THRB: variants seen among roughly 807,000 people sequenced by gnomAD.
THRB encodes nuclear receptor subfamily 1 group A member 2.
THRB carries 12 observed loss-of-function variants against 47.8 expected under a neutral mutation model. That is an observed-to-expected ratio of 0.25 (90% CI 0.16 to 0.41). The LOEUF (loss-of-function observed/expected upper bound fraction) is 0.41. Among genes scored for constraint, THRB ranks in the 10% least tolerant of loss-of-function variants. THRB has a pLI of 1.00. For synonymous variants in THRB, 218 were observed against 212.2 expected (o/e 1.03, Z -0.24); for missense variants, 348 against 589.2 (o/e 0.59, Z 4.24).
chr3:24,197,519 G>A (rs1051376932), intron 4 of THRB, among the ~76,000 whole-genome samples: 4 of 152,208 alleles, frequency 2.6e-5, no homozygotes, highest in African/African-American at 4.8e-5. Context: ...TGGTACATGC[G>A]CCCTTTTCCC....
intron 6 of THRB, among the ~76,000 whole-genome samples, chr3:24,148,444 T>C (rs959559325): frequency 5.9e-5 from 9 of 152,120 alleles, no homozygotes; most frequent in Admixed American, 5.9e-4. Flanking sequence ...GTATTTTTAG[T>C]AGAGATGCGT....
At chr3:24,381,113 C>CAAAAAA (rs35253085) in intron 1 of THRB, among the ~76,000 whole-genome samples, 4 of 87,688 alleles carry the variant, frequency 4.6e-5, no homozygotes, top group African/African-American at 1.6e-4. Context: ...GACTCTGCCT[C>CAAAAAA]AAAAAAAAAA....
intron 1 of THRB, among the ~76,000 whole-genome samples, chr3:24,431,413 A>G (rs2070410190): frequency 6.6e-6 from 1 of 152,120 alleles, no homozygotes; most frequent in Non-Finnish European, 1.5e-5. Context: ...GAACCTCATT[A>G]GAAATCAAAA....
intron 5 of THRB, among the ~76,000 whole-genome samples, chr3:24,162,212 C>T (rs1414064147): frequency 1.3e-5 from 2 of 150,600 alleles, no homozygotes; most frequent in African/African-American, 4.9e-5. Flanking sequence ...AAAAAAAAGT[C>T]AACTTTTTAC....
At chr3:24,186,451 T>A (rs2042583481) in intron 5 of THRB, among the ~76,000 whole-genome samples, 1 of 151,564 alleles carries the variant, frequency 6.6e-6, no homozygotes, top group Non-Finnish European at 1.5e-5. Context: ...GTGGGTGGGG[T>A]GAGTTGCAGA....
In THRB at chr3:24,162,277, A is replaced by G. The variant is rs1005227026; in HGVS notation, c.284-9787T>C. Among the ~76,000 whole-genome samples, 8 of 152,046 alleles carry G rather than the reference A, an allele frequency of 5.3e-5. 1 individual carries two copies. Among genetic ancestry groups the G allele is most frequent in the South Asian group, 4.1e-4 (2 of 4,820 alleles). ...AGCACAACAAATAACCTGTCTGCCA[A>G]TTCTCCTCCATCTGATTCCAAACTT... On this transcript the variant is annotated intron_variant, in intron 5 of 10. Transcript: ENST00000646209.
chr3:24,481,578 T>A (rs1189847798), intron 1 of THRB, among the ~76,000 whole-genome samples: 1 of 152,066 alleles, frequency 6.6e-6, no homozygotes, highest in Non-Finnish European at 1.5e-5. Context: ...GTGTGGACAC[T>A]GAATAGTGAA....
chr3:24,252,643 T>G (rs1212778409), intron 3 of THRB, among the ~76,000 whole-genome samples: 1 of 150,814 alleles, frequency 6.6e-6, no homozygotes, highest in Non-Finnish European at 1.5e-5. Flanking sequence ...AAAGGAGATA[T>G]GTAAAACGCA....
At chr3:24,415,513 A>T (rs2068662817) in intron 1 of THRB, among the ~76,000 whole-genome samples, 1 of 151,818 alleles carries the variant, frequency 6.6e-6, no homozygotes, top group Admixed American at 6.6e-5. Context: ...GTTTTGGATA[A>T]ATACTTGTTT....
intron 2 of THRB, among the ~76,000 whole-genome samples, chr3:24,302,840 A>T (rs564804093): frequency 6.6e-6 from 1 of 152,226 alleles, no homozygotes; most frequent in African/African-American, 2.4e-5. Flanking sequence ...TCACGACTGT[A>T]CTAGGGACCA....
In THRB at chr3:24,451,601, C is replaced by G. The variant is rs376441069; in HGVS notation, c.-261+43051G>C. Reference sequence around the variant, plus strand: ...AAGGAAGCATTCCTGGTTCAGGGACCTCTATTCTCTTTCACCTGCTCCTGA... The same window carrying G: ...AAGGAAGCATTCCTGGTTCAGGGACGTCTATTCTCTTTCACCTGCTCCTGA... On this transcript the variant is annotated intron_variant, in intron 1 of 10. Coordinates refer to ENST00000646209, the MANE Select transcript of THRB (RefSeq NM_001354712.2). Among the ~76,000 whole-genome samples, 25 of 152,166 alleles carry G rather than the reference C, an allele frequency of 1.6e-4. 2 individuals carry two copies. In the East Asian group the frequency reaches 2.3e-3, roughly 14 times the overall value.
Position 24,118,414 on chromosome 3 carries a change from A to G in THRB, c.*4470T>C, listed in dbSNP as rs886058272. Reference sequence around the variant, plus strand: ...GTTTTAGGCTGAAAAAAATATCACCATCTAGCAATATCACTTAACACTGTT... The same window carrying G: ...GTTTTAGGCTGAAAAAAATATCACCGTCTAGCAATATCACTTAACACTGTT... On this transcript the variant is annotated 3_prime_UTR_variant, in exon 11 of 11. Coordinates refer to ENST00000646209, the MANE Select transcript of THRB (RefSeq NM_001354712.2). 4.6e-5 allele frequency: 7 copies of G among 152,648 alleles called. No individual in the cohort carries two copies. The highest frequency in any genetic ancestry group is 1.7e-4 in the African/African-American group (7 of 41,444). 9.5% of individuals were successfully genotyped at this position (152,648 alleles called of 1,614,324 possible).
intron 10 of THRB, among the ~76,000 whole-genome samples, chr3:24,125,762 G>A (rs1321586498): frequency 1.3e-5 from 2 of 152,154 alleles, no homozygotes; most frequent in South Asian, 2.1e-4. Flanking sequence ...AGAGTCCCTA[G>A]AGCAAGTCTG....
chr3:24,437,701 T>C (rs867513079), intron 1 of THRB, among the ~76,000 whole-genome samples: 43 of 152,096 alleles, frequency 2.8e-4, no homozygotes, highest in African/African-American at 9.9e-4. Flanking sequence ...AACAGATCTT[T>C]GTTACTTTTC....
At chr3:24,449,050 T>C (rs1483898762) in intron 1 of THRB, among the ~76,000 whole-genome samples, 4 of 152,116 alleles carry the variant, frequency 2.6e-5, no homozygotes, top group African/African-American at 9.7e-5. Flanking sequence ...AATTCTGAAT[T>C]TGACAGAGGG....
In THRB at chr3:24,135,847, A is replaced by ATATATATATATATATATATATATT. The variant is rs371175625; in HGVS notation, c.739-2386_739-2385insAATATATATATATATATATATATA. On this transcript the variant is annotated intron_variant, in intron 8 of 10. Coordinates refer to ENST00000646209, the MANE Select transcript of THRB (RefSeq NM_001354712.2). ...TATATATATATATATATATATATAT[A>ATATATATATATATATATATATATT]ATACATAAATATATATTAATTACAT... 3.6e-4 allele frequency among the ~76,000 whole-genome samples: 47 copies of ATATATATATATATATATATATATT among 130,958 alleles called. 1 individual carries two copies. The highest frequency in any genetic ancestry group is 2.6e-3 in the South Asian group (11 of 4,234). The allele number at this position is 130,958 out of a possible 152,430, so 85.9% of individuals were successfully genotyped here. A position where few individuals can be genotyped will look rare whatever the true frequency, so the allele number is the denominator to read the frequency against.
chr3:24,392,915 C>A (rs1483754833), intron 1 of THRB, among the ~76,000 whole-genome samples: 1 of 151,940 alleles, frequency 6.6e-6, no homozygotes, highest in African/African-American at 2.4e-5. Flanking sequence ...TCTATTTATA[C>A]CCAGAAAGTT....
intron 4 of THRB, among the ~76,000 whole-genome samples, chr3:24,228,404 C>A (rs1036135130): frequency 5.9e-5 from 9 of 152,098 alleles, no homozygotes; most frequent in Admixed American, 2.0e-4. Flanking sequence ...CAGCCAACTT[C>A]TGAAAATATA....
At chr3:24,247,022 CAT>C (rs1020284184) in intron 3 of THRB, among the ~76,000 whole-genome samples, 1 of 152,138 alleles carries the variant, frequency 6.6e-6, no homozygotes, top group African/African-American at 2.4e-5. Flanking sequence ...TTGCGGATCC[CAT>C]ATGATATGCT....
Sources: allele counts gnomAD v4.1 joint callset (sites outside exome capture counted in the v4.1 genomes callset), GRCh38; gene constraint gnomAD v4.1.1; transcripts MANE v1.5; gene names NCBI Gene and HGNC (gene_info 2026-07-23, HGNC 2026-07-21).